RSRC1: variants seen among roughly 807,000 people sequenced by gnomAD.
RSRC1 encodes the protein arginine and serine rich coiled-coil 1.
RSRC1 carries 39 observed loss-of-function variants against 49.1 expected under a neutral mutation model. The observed-to-expected ratio is 0.79, with a 90% CI of 0.61 to 1.04. The LOEUF is 1.04. Ranked by LOEUF, RSRC1 falls within the 50% of genes least tolerant of loss-of-function variation. The pLI, the probability that RSRC1 is intolerant of heterozygous loss-of-function variation, is 0.00. For missense variants in RSRC1, 388 were observed against 402.4 expected, an observed-to-expected ratio of 0.96 and a Z score of 0.31; for synonymous variants, 143 against 130.8, an observed-to-expected ratio of 1.09 and a Z score of -0.63.
chr3:158,261,473 A>T (rs1724890192), intron 4 of RSRC1, among the ~76,000 whole-genome samples: 1 of 152,164 alleles, frequency 6.6e-6, no homozygotes, highest in Admixed American at 6.5e-5. Flanking sequence ...TTCCCTTATG[A>T]CTAAGTTTTT....
At chr3:158,396,033 A>C (rs73170375) in intron 6 of RSRC1, among the ~76,000 whole-genome samples, 33,288 of 152,078 alleles carry the variant, frequency 0.22, 4,251 homozygotes, top group Non-Finnish European at 0.29. Flanking sequence ...TGGCCTTTAG[A>C]GCAACACAGT....
intron 3 of RSRC1, among the ~76,000 whole-genome samples, chr3:158,162,221 G>A (rs1234013621): frequency 6.6e-6 from 1 of 152,178 alleles, no homozygotes; most frequent in Non-Finnish European, 1.5e-5. Context: ...AATCATGTCT[G>A]TGAAAGATAC....
intron 4 of RSRC1, among the ~76,000 whole-genome samples, chr3:158,242,160 C>G (rs1723632524): frequency 6.7e-6 from 1 of 149,512 alleles, no homozygotes; most frequent in Non-Finnish European, 1.5e-5. Flanking sequence ...GGTATTAGGC[C>G]CAGCATCCAT....
intron 5 of RSRC1, among the ~76,000 whole-genome samples, chr3:158,327,741 A>G (rs2108185814): frequency 6.6e-6 from 1 of 152,300 alleles, no homozygotes; most frequent in East Asian, 1.9e-4. Context: ...GTAGATGTCT[A>G]TTAGGTCTGC....
At chr3:158,370,963 C>G (rs1462294700) in intron 6 of RSRC1, among the ~76,000 whole-genome samples, 1 of 151,658 alleles carries the variant, frequency 6.6e-6, no homozygotes, top group Non-Finnish European at 1.5e-5. Flanking sequence ...TGGCTTTTTT[C>G]TGTTTAATTT....
intron 6 of RSRC1, among the ~76,000 whole-genome samples, chr3:158,398,437 A>G (rs1375157758): frequency 1.3e-5 from 2 of 152,048 alleles, no homozygotes; most frequent in East Asian, 3.9e-4. Context: ...CTGCAGCTTC[A>G]CCGTAGAAGG....
At chr3:158,191,787 TTTTG>T (rs1720260207) in intron 3 of RSRC1, among the ~76,000 whole-genome samples, 1 of 152,022 alleles carries the variant, frequency 6.6e-6, no homozygotes, top group Non-Finnish European at 1.5e-5. Flanking sequence ...TTCTTTGGCT[TTTTG>T]TTTGTTTGGT....
At chr3:158,186,632 T>C (rs1719946279) in intron 3 of RSRC1, among the ~76,000 whole-genome samples, 1 of 151,932 alleles carries the variant, frequency 6.6e-6, no homozygotes, top group African/African-American at 2.4e-5. Context: ...AGTAATAGCT[T>C]TTTCACAGAA....
At chr3:158,419,176 T>C (rs1327581987) in intron 6 of RSRC1, among the ~76,000 whole-genome samples, 3 of 152,032 alleles carry the variant, frequency 2.0e-5, no homozygotes, top group Non-Finnish European at 4.4e-5. Flanking sequence ...AGAGTGTAAG[T>C]ATAATCAATA....
In RSRC1 at chr3:158,197,165, G is replaced by C. The variant is rs1366900772; in HGVS notation, c.321-5907G>C. Among the ~76,000 whole-genome samples the C allele has an allele frequency of 3.9e-5, 6 of 152,172 alleles. No individual in the cohort carries two copies. The South Asian group carries it at 8.3e-4, about 21-fold the overall frequency. On this transcript the variant is annotated intron_variant, in intron 3 of 9. Coordinates refer to ENST00000611884, the MANE Select transcript of RSRC1 (RefSeq NM_001271838.2). Reference sequence around the variant, plus strand: ...TTTGGTTGGTAAGCTATTAATTGTTGCCTCAATTTCAGAGCCTGTTATTGG... The same window carrying C: ...TTTGGTTGGTAAGCTATTAATTGTTCCCTCAATTTCAGAGCCTGTTATTGG...
chr3:158,282,003 C>T (rs1424133161), intron 4 of RSRC1, among the ~76,000 whole-genome samples: 2 of 152,176 alleles, frequency 1.3e-5, no homozygotes, highest in Admixed American at 6.5e-5. Context: ...TGGAAGAAAG[C>T]TGCCCTCCTC....
intron 4 of RSRC1, among the ~76,000 whole-genome samples, chr3:158,217,571 C>T (rs1722015668): frequency 1.3e-5 from 2 of 151,444 alleles, no homozygotes; most frequent in South Asian, 2.1e-4. Flanking sequence ...GATTCTCTAC[C>T]TTTCCCACAT....
chr3:158,320,291 A>C (rs1053910983), intron 5 of RSRC1, among the ~76,000 whole-genome samples: 2 of 152,170 alleles, frequency 1.3e-5, no homozygotes, highest in South Asian at 4.1e-4. Context: ...TCCATACACA[A>C]ATTTTCTAAT....
chr3:158,458,643 AC>A (rs1431804185), intron 6 of RSRC1, among the ~76,000 whole-genome samples: 1 of 152,134 alleles, frequency 6.6e-6, no homozygotes, highest in Non-Finnish European at 1.5e-5. Context: ...AGATGTAATT[AC>A]TTTGGTAAAT....
At chr3:158,499,725 A>C (rs144000859) in intron 7 of RSRC1, among the ~76,000 whole-genome samples, 1,692 of 152,196 alleles carry the variant, frequency 0.011, 18 homozygotes, top group South Asian at 0.033. Context: ...TGTATACGTT[A>C]ATTTGCTGAA....
chr3:158,203,095 G>A lies in RSRC1; in HGVS notation c.344G>A (p.Arg115His), dbSNP rs759068571. The A allele has an allele frequency of 1.6e-5, 26 of 1,613,110 alleles. No homozygotes were observed. The highest frequency in any genetic ancestry group is 9.3e-5 in the African/African-American group (7 of 74,894). Residue 115 changes from arginine (R) to histidine (H), a missense_variant, in exon 4 of 10, where the codon CGT becomes CAT. Coordinates refer to ENST00000611884, the MANE Select transcript of RSRC1 (RefSeq NM_001271838.2). ...AGGTCCAGGTCAAGACCTCGTCTCCGTTCTCATAGTCGTAGCAGTGAAAGG... is the reference window on the plus strand; with the variant it reads ...AGGTCCAGGTCAAGACCTCGTCTCCATTCTCATAGTCGTAGCAGTGAAAGG... ...TRRSRSRPRL[R>H]SHSRSSERSS... is the part of the protein sequence containing the mutation.
intron 7 of RSRC1, among the ~76,000 whole-genome samples, chr3:158,518,021 G>A (rs1419208243): frequency 2.7e-5 from 4 of 146,716 alleles, no homozygotes; most frequent in African/African-American, 2.5e-5. Flanking sequence ...CATGGTTATG[G>A]TGTATTATCT....
chr3:158,353,852 G>A (rs1299440097), intron 5 of RSRC1, among the ~76,000 whole-genome samples: 1 of 151,960 alleles, frequency 6.6e-6, no homozygotes, highest in African/African-American at 2.4e-5. Flanking sequence ...TCTCAAGTAT[G>A]GACAACAGTT....
chr3:158,353,335 C>T (rs1241296063), intron 5 of RSRC1, among the ~76,000 whole-genome samples: 2 of 152,206 alleles, frequency 1.3e-5, no homozygotes, highest in African/African-American at 4.8e-5. Context: ...TCTTCATCTT[C>T]CATGGCAGGG....
Sources: gnomAD v4.1 joint callset for allele counts (sites outside exome capture counted in the v4.1 genomes callset) on GRCh38, gnomAD v4.1.1 for gene constraint, MANE v1.5 for transcripts, NCBI Gene and HGNC (gene_info 2026-07-23, HGNC 2026-07-21) for gene names.